PALLD: variants seen among roughly 807,000 people sequenced by gnomAD.
PALLD encodes palladin.
Under a neutral mutation model 123.5 loss-of-function variants are expected in PALLD, and 61 were observed. The observed-to-expected ratio is 0.49, with a 90% confidence interval of 0.40 to 0.61. The LOEUF is 0.61. Ranked by LOEUF, PALLD falls within the 20% of genes least tolerant of loss-of-function variation. The pLI is 0.00. For synonymous variants in PALLD, 465 were observed against 496.4 expected (o/e 0.94, Z 0.84); for missense variants, 1,273 against 1,377.0 (o/e 0.92, Z 1.20).
chr4:168,886,847 G>A (rs997205128), intron 10 of PALLD, among the ~76,000 whole-genome samples: 13 of 152,080 alleles, frequency 8.5e-5, no homozygotes, highest in African/African-American at 2.4e-4. Context: ...GGCCAGGTAT[G>A]GTGGCTCATG....
At chr4:168,801,333 C>T (rs1464542933) in intron 10 of PALLD, among the ~76,000 whole-genome samples, 4 of 152,184 alleles carry the variant, frequency 2.6e-5, no homozygotes, top group Non-Finnish European at 5.9e-5. Context: ...GGCTGGAGTG[C>T]AGTGGCACGA....
chr4:168,698,245 G>C (rs1488408346), intron 8 of PALLD, among the ~76,000 whole-genome samples: 1 of 152,112 alleles, frequency 6.6e-6, no homozygotes, highest in Non-Finnish European at 1.5e-5. Flanking sequence ...TGGTTAATTG[G>C]TACAAAAATA....
chr4:168,870,341 T>C (rs147002527), intron 10 of PALLD, among the ~76,000 whole-genome samples: 1 of 152,312 alleles, frequency 6.6e-6, no homozygotes, highest in East Asian at 1.9e-4. Context: ...TATATCTGTC[T>C]TAAGAAAAAA....
chr4:168,755,059 C>T (rs796782874), intron 10 of PALLD, among the ~76,000 whole-genome samples: 54 of 152,036 alleles, frequency 3.6e-4, no homozygotes, highest in Admixed American at 1.7e-3. Flanking sequence ...GGTGAAACCC[C>T]GTCTCTACTA....
intron 2 of PALLD, among the ~76,000 whole-genome samples, chr4:168,610,777 T>C (rs1773652235): frequency 6.6e-6 from 1 of 152,152 alleles, no homozygotes; most frequent in Non-Finnish European, 1.5e-5. Flanking sequence ...ATCCTCCCTC[T>C]CACCTCCATG....
At chr4:168,702,875 T>G (rs1054211806) in intron 8 of PALLD, among the ~76,000 whole-genome samples, 3 of 141,304 alleles carry the variant, frequency 2.1e-5, no homozygotes, top group African/African-American at 8.5e-5. Flanking sequence ...TTGTTTTTAT[T>G]TTATTTATTT....
intron 10 of PALLD, among the ~76,000 whole-genome samples, chr4:168,772,714 G>T (rs141040861): frequency 6.6e-6 from 1 of 152,128 alleles, no homozygotes; most frequent in African/African-American, 2.4e-5. Flanking sequence ...AAAAAAACAC[G>T]CATCCCATTC....
At chr4:168,900,948 T>C (rs1018844684) in intron 14 of PALLD, among the ~76,000 whole-genome samples, 5 of 152,232 alleles carry the variant, frequency 3.3e-5, no homozygotes, top group African/African-American at 1.2e-4. Flanking sequence ...CTGATCAAAT[T>C]CTAAGATTAT....
chr4:168,784,366 A>T (rs1352493636), intron 10 of PALLD, among the ~76,000 whole-genome samples: 1 of 152,098 alleles, frequency 6.6e-6, no homozygotes, highest in Non-Finnish European at 1.5e-5. Context: ...AAAAGAAAAG[A>T]AAAGAGAAAG....
chr4:168,917,151 T>A (rs1760340035), intron 17 of PALLD, among the ~76,000 whole-genome samples: 1 of 150,480 alleles, frequency 6.6e-6, no homozygotes, highest in African/African-American at 2.5e-5. Context: ...CAGGTTCAAG[T>A]GATTCTCCTG....
intron 2 of PALLD, among the ~76,000 whole-genome samples, chr4:168,614,227 G>A (rs1774004803): frequency 2.6e-5 from 4 of 151,992 alleles, no homozygotes; most frequent in Admixed American, 2.6e-4. Flanking sequence ...AAAAAGTCCT[G>A]GATTGTATTA....
At chr4:168,803,378 T>C (rs942993023) in intron 10 of PALLD, among the ~76,000 whole-genome samples, 2 of 152,158 alleles carry the variant, frequency 1.3e-5, no homozygotes, top group African/African-American at 4.8e-5. Context: ...GGAGGATACG[T>C]ACTTGCATAT....
chr4:168,620,342 C>A (rs906512865), intron 2 of PALLD, among the ~76,000 whole-genome samples: 3 of 152,154 alleles, frequency 2.0e-5, no homozygotes, highest in Non-Finnish European at 4.4e-5. Flanking sequence ...GTAATCGCAG[C>A]TACTCAGGAG....
chr4:168,702,530 G>A (rs146239055), intron 8 of PALLD, among the ~76,000 whole-genome samples: 2,791 of 152,168 alleles, frequency 0.018, 87 homozygotes, highest in South Asian at 0.14. Flanking sequence ...CTCCAGCCTG[G>A]GCGACAAGTG....
chr4:168,513,936 C>G (rs1217658205), intron 2 of PALLD, among the ~76,000 whole-genome samples: 6 of 152,002 alleles, frequency 3.9e-5, no homozygotes, highest in Non-Finnish European at 7.4e-5. Context: ...GAAACCCCCT[C>G]TCTACTAAAA....
intron 2 of PALLD, among the ~76,000 whole-genome samples, chr4:168,548,368 A>T (rs2712124): frequency 0.32 from 48,213 of 150,954 alleles, 8,332 homozygotes; most frequent in East Asian, 0.65. Context: ...ACAGGGAAAC[A>T]CTAATACTCT....
chr4:168,605,586 C>A (rs1177549806), intron 2 of PALLD, among the ~76,000 whole-genome samples: 5 of 152,136 alleles, frequency 3.3e-5, no homozygotes. Flanking sequence ...TCAGCAGGAT[C>A]CAGGGAATGA....
intron 2 of PALLD, among the ~76,000 whole-genome samples, chr4:168,571,169 C>G (rs1037393288): frequency 2.0e-5 from 3 of 152,110 alleles, no homozygotes; most frequent in African/African-American, 7.2e-5. Context: ...CCATTCAGTT[C>G]TCCTTTCTCC....
chr4:168,534,731 T>A (rs1001008851), intron 2 of PALLD, among the ~76,000 whole-genome samples: 1 of 152,318 alleles, frequency 6.6e-6, no homozygotes, highest in East Asian at 1.9e-4. Flanking sequence ...TTCAACCACA[T>A]ACATTGTATC....
Sources: allele counts gnomAD v4.1 joint callset (sites outside exome capture counted in the v4.1 genomes callset), GRCh38; gene constraint gnomAD v4.1.1; transcripts MANE v1.5; gene names NCBI Gene and HGNC (gene_info 2026-07-23, HGNC 2026-07-21).